AOPEP: variants seen among roughly 807,000 people sequenced by gnomAD.
AOPEP encodes the protein aminopeptidase O (putative).
In AOPEP, 77 loss-of-function variants were observed where a neutral mutation model predicts 98.1. The ratio of observed to expected loss-of-function variants is 0.78; its 90% CI spans 0.65 to 0.95. The LOEUF (loss-of-function observed/expected upper bound fraction) is 0.95, where lower values mean the gene tolerates loss of function less well. Ranked by LOEUF, AOPEP falls within the 40% of genes least tolerant of loss-of-function variation. The probability of loss-of-function intolerance (pLI) is 0.00; values close to 1 mark genes in which losing one functional copy is unlikely to be tolerated. For synonymous variants in AOPEP, 346 were observed against 365.3 expected (o/e 0.95, Z 0.60); for missense variants, 1,024 against 1,024.7 (o/e 1.00, Z 0.01).
At chr9:94,796,925 T>A (rs1847077119) in intron 4 of AOPEP, among the ~76,000 whole-genome samples, 1 of 152,168 alleles carries the variant, frequency 6.6e-6, no homozygotes, top group African/African-American at 2.4e-5. Context: ...CACAGAAACT[T>A]GGATAAAGTC....
At chr9:95,117,417 GC>G in the AOPEP span, 1 of 1,598,166 alleles carries the variant, frequency 6.3e-7, no homozygotes, top group Non-Finnish European at 8.6e-7. Context: ...AATCCAAAGA[GC>G]ATGAACATTA....
chr9:95,118,534 A>G, the AOPEP span, among the ~76,000 whole-genome samples: 2 of 152,210 alleles, frequency 1.3e-5, no homozygotes, highest in Middle Eastern at 3.2e-3. Context: ...ACACATTTCT[A>G]TCACGCCAAA....
chr9:95,099,382 CTGCCCCTG>C, the AOPEP span: 1 of 228,270 alleles, frequency 4.4e-6, no homozygotes, highest in Admixed American at 5.7e-5. Context: ...CTCCCTGCGG[CTGCCCCTG>C]TGCCCAGGCC....
At chr9:95,083,008 T>A (rs112797631) in intron 16 of AOPEP, 12 of 332,598 alleles carry the variant, frequency 3.6e-5, no homozygotes, top group African/African-American at 2.6e-4. Flanking sequence ...TCAGGTTTTA[T>A]AATCTGTTGA....
At chr9:95,137,563 AAGAAG>A in the AOPEP span, among the ~76,000 whole-genome samples, 3 of 152,116 alleles carry the variant, frequency 2.0e-5, no homozygotes, top group South Asian at 6.3e-4. Flanking sequence ...CTCAGATGAA[AAGAAG>A]AGAAGAAATG....
chr9:94,730,283 CA>C (rs58829632), intron 1 of AOPEP, among the ~76,000 whole-genome samples: 324 of 60,398 alleles, frequency 5.4e-3, no homozygotes, highest in African/African-American at 7.2e-3. Flanking sequence ...GACTCCATCT[CA>C]AAAAAAAAAA....
At chr9:94,763,286 C>CT (rs1564089582) in intron 2 of AOPEP, 3 of 218,500 alleles carry the variant, frequency 1.4e-5, no homozygotes, top group Middle Eastern at 2.3e-3. Flanking sequence ...CAATAAATTT[C>CT]TTTTTTTAAA....
chr9:95,045,212 G>A (rs1372104319), intron 13 of AOPEP, among the ~76,000 whole-genome samples: 1 of 152,216 alleles, frequency 6.6e-6, no homozygotes, highest in African/African-American at 2.4e-5. Flanking sequence ...TGGAGGAAAG[G>A]ACGACAGGTT....
At chr9:94,942,509 G>GACTTGAATA (rs1203158904) in intron 7 of AOPEP, among the ~76,000 whole-genome samples, 1 of 152,154 alleles carries the variant, frequency 6.6e-6, no homozygotes, top group African/African-American at 2.4e-5. Flanking sequence ...GTCAATGGTT[G>GACTTGAATA]AGGACAGAAG....
intron 1 of AOPEP, among the ~76,000 whole-genome samples, chr9:94,750,102 C>A (rs1252419138): frequency 1.3e-5 from 2 of 152,278 alleles, no homozygotes; most frequent in East Asian, 3.9e-4. Context: ...GTTCATTTTG[C>A]CTGAAGGAGG....
intron 5 of AOPEP, chr9:94,824,631 C>T (rs1251357746): frequency 1.3e-5 from 2 of 152,130 alleles, no homozygotes; most frequent in Non-Finnish European, 2.9e-5. Flanking sequence ...ACCAGGAGCT[C>T]ATGGCTCAAG....
chr9:94,842,027 T>G (rs1170271732), intron 5 of AOPEP, among the ~76,000 whole-genome samples: 3 of 151,938 alleles, frequency 2.0e-5, no homozygotes, highest in Non-Finnish European at 4.4e-5. Flanking sequence ...AACTCCAGCT[T>G]GGGTGACAGA....
chr9:95,032,227 GGCCA>G, intron 13 of AOPEP, among the ~76,000 whole-genome samples: 1 of 152,174 alleles, frequency 6.6e-6, no homozygotes, highest in Non-Finnish European at 1.5e-5. Flanking sequence ...TTCCTTTTCA[GGCCA>G]CCCCCACCTG....
chr9:94,897,688 T>A (rs537897326), intron 5 of AOPEP, among the ~76,000 whole-genome samples: 33 of 152,294 alleles, frequency 2.2e-4, no homozygotes, highest in Middle Eastern at 3.4e-3. Context: ...AACAAATGTT[T>A]TAATAAAAAT....
intron 5 of AOPEP, among the ~76,000 whole-genome samples, chr9:94,805,476 TG>T (rs1409162901): frequency 1.3e-4 from 20 of 150,038 alleles, no homozygotes; most frequent in African/African-American, 5.1e-4. Flanking sequence ...AAAGGTTTTT[TG>T]TTTTTTGTTT....
At chr9:94,796,941 G>C (rs1319936349) in intron 4 of AOPEP, among the ~76,000 whole-genome samples, 1 of 152,110 alleles carries the variant, frequency 6.6e-6, no homozygotes, top group Non-Finnish European at 1.5e-5. Context: ...AAGTCCAAAG[G>C]AACTTAGCAA....
At chr9:95,109,014 T>A in the AOPEP span, among the ~76,000 whole-genome samples, 1 of 152,058 alleles carries the variant, frequency 6.6e-6, no homozygotes, top group South Asian at 2.1e-4. Flanking sequence ...CAAGCGATCC[T>A]TCCATCTATC....
chr9:94,958,916 A>G (rs1471719675), intron 9 of AOPEP, among the ~76,000 whole-genome samples: 1 of 151,638 alleles, frequency 6.6e-6, no homozygotes, highest in Non-Finnish European at 1.5e-5. Flanking sequence ...TTGGTTTATT[A>G]TGCTTTAAGT....
the AOPEP span, chr9:95,107,523 T>C: frequency 3.5e-6 from 2 of 574,080 alleles, no homozygotes; most frequent in Non-Finnish European, 6.2e-6. Flanking sequence ...CCTTTTTTTG[T>C]ATAAAAGGAA....
Sources: gnomAD v4.1 joint callset for allele counts (sites outside exome capture counted in the v4.1 genomes callset) on GRCh38, gnomAD v4.1.1 for gene constraint, MANE v1.5 for transcripts, NCBI Gene and HGNC (gene_info 2026-07-23, HGNC 2026-07-21) for gene names.